Variants in ACOT12 observed in about 807,000 individuals in gnomAD.
ACOT12 encodes the protein acetyl-coenzyme A thioesterase.
In ACOT12, 51 loss-of-function variants were observed where a neutral mutation model predicts 67.7. That is an observed-to-expected ratio of 0.75 (90% CI 0.60 to 0.95). The LOEUF (loss-of-function observed/expected upper bound fraction) is 0.95, where lower values mean the gene tolerates loss of function less well. Among genes scored for constraint, ACOT12 ranks in the 40% least tolerant of loss-of-function variants. The pLI is 0.00. For missense variants in ACOT12, 734 were observed against 708.1 expected, an observed-to-expected ratio of 1.04 and a Z score of -0.41; for synonymous variants, 251 against 244.6, an observed-to-expected ratio of 1.03 and a Z score of -0.24.
At chr5:81,393,870 C>T (rs948458810) in intron 1 of ACOT12, 118 bp downstream of exon 1, 9 of 1,130,502 alleles carry the variant, frequency 8.0e-6, no homozygotes, top group Non-Finnish European at 1.0e-5. Flanking sequence ...TCCCTGGCTG[C>T]GCAGGGTTCA....
chr5:81,377,874 A>G lies in ACOT12; in HGVS notation c.198-6064T>C, dbSNP rs185518855. ...ATGGGAAAATATTCCCTGCTCATGGATAGGAAGAATCAGTATCATGAAAAT... is the reference window on the plus strand; with the variant it reads ...ATGGGAAAATATTCCCTGCTCATGGGTAGGAAGAATCAGTATCATGAAAAT... On this transcript the variant is annotated intron_variant, in intron 2 of 14. Coordinates refer to ENST00000307624, the MANE Select transcript of ACOT12 (RefSeq NM_130767.3). Among the ~76,000 whole-genome samples the G allele has an allele frequency of 3.4e-4, 52 of 152,344 alleles. No individual in the cohort carries two copies. The East Asian group carries it at 9.4e-3, about 28-fold the overall frequency.
At position 81,330,861 on chromosome 5, in the gene ACOT12, T is replaced by G. The variant is rs759459798; in HGVS notation, c.1471A>C (p.Ile491Leu). ...GCATGGATGAGAAATCCGGCACATA[T>G]GATTTCACTTCTGATGTACTGTGGA... Reference protein sequence around the residue: ...PSPQYIRSEIICAGFLIHAID... With the variant: ...PSPQYIRSEILCAGFLIHAID... The change falls in exon 14 of 15, where the codon ATA (isoleucine) becomes CTA (leucine). Residue 491 changes from isoleucine (I) to leucine (L), a missense_variant. Ile to Leu is a conservative substitution (Grantham distance 5). Transcript: ENST00000307624. The G allele has an allele frequency of 3.7e-6, 6 of 1,613,968 alleles. No homozygotes were observed. Among genetic ancestry groups the G allele is most frequent in the Non-Finnish European group, 4.2e-6 (5 of 1,179,984 alleles).
chr5:81,344,800 G>A, intron 8 of ACOT12, 91 bp downstream of exon 8: 1 of 1,496,402 alleles, frequency 6.7e-7, no homozygotes, highest in African/African-American at 1.4e-5. Flanking sequence ...AAGGGAAAGA[G>A]CCAAAGAGGT....
chr5:81,320,203 G>A, the ACOT12 span, among the ~76,000 whole-genome samples: 1 of 152,232 alleles, frequency 6.6e-6, no homozygotes, highest in Admixed American at 6.5e-5. Flanking sequence ...CAGATATTAA[G>A]TGAATGCAGG....
rs1459268370 is a variant in ACOT12, at chr5:81,343,850, G to A, written c.1012C>T (p.Pro338Ser). The A allele has an allele frequency of 6.2e-7, 1 of 1,613,414 alleles. No homozygotes were observed. The highest frequency in any genetic ancestry group is 8.5e-7 in the Non-Finnish European group (1 of 1,179,838). The change falls in exon 10 of 15, where the codon CCA (proline) becomes TCA (serine). Residue 338 changes from proline (P) to serine (S), a missense_variant. Transcript: ENST00000307624. ...CTGATATCCCAGTGTATGCAAAGTGGAACCTCTTCTTTGTGGGAAATAACA... is the reference window on the plus strand; with the variant it reads ...CTGATATCCCAGTGTATGCAAAGTGAAACCTCTTCTTTGTGGGAAATAACA... ...KYVISHKEEV[P>S]LCIHWDISKQ... is the part of the protein sequence containing the mutation.
the ACOT12 span, among the ~76,000 whole-genome samples, chr5:81,323,597 C>T: frequency 6.6e-6 from 1 of 152,180 alleles, no homozygotes; most frequent in Admixed American, 6.5e-5. Flanking sequence ...ATACTCCATT[C>T]ATGAATGAAA....
At chr5:81,335,518 C>T (rs1758966922) in intron 12 of ACOT12, among the ~76,000 whole-genome samples, 2 of 152,132 alleles carry the variant, frequency 1.3e-5, no homozygotes, top group African/African-American at 2.4e-5. Context: ...GCATGCACCA[C>T]CATGTCCAGC....
At chr5:81,326,744 TC>T (rs1048145613), downstream of ACOT12, among the ~76,000 whole-genome samples, 2 of 152,124 alleles carry the variant, frequency 1.3e-5, no homozygotes, top group African/African-American at 4.8e-5. Context: ...TTACACTGAA[TC>T]ATGCTGTGGT....
intron 2 of ACOT12, 58 bp downstream of exon 2, chr5:81,385,699 A>C: frequency 1.3e-6 from 2 of 1,523,772 alleles, no homozygotes; most frequent in East Asian, 2.3e-5. Flanking sequence ...CCACCAATAC[A>C]TGTCCCAGAT....
chr5:81,319,125 C>T, the ACOT12 span, among the ~76,000 whole-genome samples: 1 of 152,176 alleles, frequency 6.6e-6, no homozygotes, highest in Admixed American at 6.5e-5. Context: ...TGAATAAACA[C>T]TCCTTGTATT....
intron 2 of ACOT12, among the ~76,000 whole-genome samples, chr5:81,375,570 A>G (rs1760386286): frequency 6.6e-6 from 1 of 152,148 alleles, no homozygotes; most frequent in South Asian, 2.1e-4. Context: ...AAGACTTATC[A>G]GTGTGCTGTA....
chr5:81,363,682 T>C, intron 4 of ACOT12, 106 bp downstream of exon 4: 6 of 696,944 alleles, frequency 8.6e-6, no homozygotes, highest in Non-Finnish European at 1.3e-5. Context: ...TGGGGAAGTA[T>C]ATCTCATGGA....
At chr5:81,358,007 CAA>C (rs777333534) in intron 5 of ACOT12, among the ~76,000 whole-genome samples, 1,863 of 70,980 alleles carry the variant, frequency 0.026, 4 homozygotes, top group African/African-American at 0.034. Context: ...CCCCATCTCA[CAA>C]AAAAAAAAAA....
chr5:81,338,823 T>G (rs1759094739), intron 11 of ACOT12, among the ~76,000 whole-genome samples: 1 of 152,218 alleles, frequency 6.6e-6, no homozygotes, highest in Admixed American at 6.5e-5. Flanking sequence ...TAAGAGGGCT[T>G]GCAATCCCAA....
chr5:81,325,341 C>G (rs1181118217), downstream of ACOT12, among the ~76,000 whole-genome samples: 1 of 152,142 alleles, frequency 6.6e-6, no homozygotes, highest in East Asian at 1.9e-4. Context: ...GAATTACCAG[C>G]CTCCTAAGCA....
At chr5:81,385,891 A>C in intron 1 of ACOT12, 65 bp from the exon 2 acceptor site, 1 of 1,460,840 alleles carries the variant, frequency 6.8e-7, no homozygotes, top group African/African-American at 1.4e-5. Flanking sequence ...GTATAAGGGA[A>C]AGGAATGAAA....
At chr5:81,323,350 GT>G in the ACOT12 span, among the ~76,000 whole-genome samples, 32 of 152,296 alleles carry the variant, frequency 2.1e-4, no homozygotes, top group East Asian at 6.0e-3. Flanking sequence ...CTGCAGTTCA[GT>G]TTGGGTTCGG....
Position 81,334,897 on chromosome 5 carries a change from G to A in ACOT12, c.1262+871C>T, listed in dbSNP as rs192590823. 2.0e-3 allele frequency among the ~76,000 whole-genome samples: 298 copies of A among 152,312 alleles called. 1 individual carries two copies. The highest frequency in any genetic ancestry group is 3.5e-3 in the Non-Finnish European group (236 of 68,024). On this transcript the variant is annotated intron_variant, in intron 12 of 14. Coordinates refer to ENST00000307624, the MANE Select transcript of ACOT12 (RefSeq NM_130767.3). ...ATTAGGGATGCAGGAGACAGGGAGT[G>A]GCAGGAGTGGGAGATGTAGGCTAAT...
intron 11 of ACOT12, among the ~76,000 whole-genome samples, chr5:81,337,019 C>G (rs751994656): frequency 6.6e-6 from 1 of 152,208 alleles, no homozygotes; most frequent in South Asian, 2.1e-4. Context: ...GCTGTGAGCA[C>G]TTATCAAACA....
Sources: gnomAD v4.1 joint callset for allele counts (sites outside exome capture counted in the v4.1 genomes callset) on GRCh38, gnomAD v4.1.1 for gene constraint, MANE v1.5 for transcripts, NCBI Gene and HGNC (gene_info 2026-07-23, HGNC 2026-07-21) for gene names.